PRKCQ: variants seen among roughly 807,000 people sequenced by gnomAD.
PRKCQ encodes the protein protein kinase C theta type.
A neutral mutation model predicts 91.2 loss-of-function variants in PRKCQ; 41 were observed. The ratio of observed to expected loss-of-function variants is 0.45; its 90% confidence interval spans 0.35 to 0.58. The LOEUF is 0.58. PRKCQ is among the 20% of genes least tolerant of loss of function. The probability of loss-of-function intolerance (pLI) is 0.00; values close to 1 mark genes in which losing one functional copy is unlikely to be tolerated. For synonymous variants in PRKCQ, 307 were observed against 316.9 expected, an observed-to-expected ratio of 0.97 and a Z score of 0.33; for missense variants, 673 against 896.5, an observed-to-expected ratio of 0.75 and a Z score of 3.18.
At chr10:6,517,585 CATCTTTTTTTTTT>C (rs1446436487) in intron 1 of PRKCQ, among the ~76,000 whole-genome samples, 3 of 99,262 alleles carry the variant, frequency 3.0e-5, no homozygotes, top group African/African-American at 1.2e-4. Flanking sequence ...TTTAAGATAG[CATCTTTTTTTTTT>C]TTTTTTTTTT....
chr10:6,399,298 A>C, the PRKCQ span, among the ~76,000 whole-genome samples: 1 of 152,190 alleles, frequency 6.6e-6, no homozygotes, highest in Non-Finnish European at 1.5e-5. Flanking sequence ...TAGTGGTTGG[A>C]ATATTTAAAC....
intron 15 of PRKCQ, among the ~76,000 whole-genome samples, chr10:6,452,518 A>G (rs550404188): frequency 7.9e-5 from 12 of 151,680 alleles, no homozygotes; most frequent in African/African-American, 2.9e-4. Context: ...TATAGATTCA[A>G]TGCCATCCCC....
chr10:6,507,574 G>A (rs188677243), intron 3 of PRKCQ, 78 bp from the exon 4 acceptor site: 15 of 1,203,390 alleles, frequency 1.2e-5, no homozygotes, highest in South Asian at 6.1e-5. Flanking sequence ...GGCTACTGAC[G>A]ATGGCAGGAG....
intron 12 of PRKCQ, among the ~76,000 whole-genome samples, chr10:6,475,513 C>A (rs1212564454): frequency 2.0e-5 from 3 of 152,168 alleles, no homozygotes; most frequent in African/African-American, 4.8e-5. Flanking sequence ...CAAGTGAATA[C>A]CTGTCCTCAG....
At chr10:6,470,641 C>T (rs148313035) in intron 12 of PRKCQ, among the ~76,000 whole-genome samples, 43 of 152,222 alleles carry the variant, frequency 2.8e-4, no homozygotes, top group Non-Finnish European at 4.3e-4. Flanking sequence ...TGGAGAAGAA[C>T]GATTTTGCCA....
chr10:6,497,002 C>T lies in PRKCQ; in HGVS notation c.660+33G>A, dbSNP rs116968256. The T allele has an allele frequency of 5.3e-3, 8,360 of 1,573,580 alleles. 43 individuals carry two copies. Among genetic ancestry groups the T allele is most frequent in the South Asian group, 0.013 (1,150 of 89,900 alleles). The stretch of plus-strand genomic sequence containing the variant: ...TAACATTTAACGTTCTGATAAAAAT[C>T]ACTGCACGTCAAAGAGGAGTGTAAA... On this transcript the variant is annotated intron_variant, in intron 7 of 17. Transcript: ENST00000263125. The surrounding 1 kb of genome is among the most constrained non-coding windows in gnomAD (Gnocchi z 4.5).
chr10:6,520,840 C>A (rs1838974549), intron 1 of PRKCQ, among the ~76,000 whole-genome samples: 1 of 152,102 alleles, frequency 6.6e-6, no homozygotes. Context: ...ACTTATAGAG[C>A]CCCACCAGGA....
the PRKCQ span, among the ~76,000 whole-genome samples, chr10:6,398,919 A>T: frequency 6.6e-6 from 1 of 151,932 alleles, no homozygotes; most frequent in Non-Finnish European, 1.5e-5. Context: ...ACACCCAACT[A>T]ATTAAAAAAA....
At chr10:6,546,127 G>C (rs1047686219) in intron 1 of PRKCQ, among the ~76,000 whole-genome samples, 1 of 152,232 alleles carries the variant, frequency 6.6e-6, no homozygotes, top group Non-Finnish European at 1.5e-5. Context: ...GTGGGATGGT[G>C]GGGAACTGAG....
intron 1 of PRKCQ, among the ~76,000 whole-genome samples, chr10:6,546,868 C>T (rs921757425): frequency 5.3e-5 from 8 of 152,148 alleles, no homozygotes; most frequent in African/African-American, 1.7e-4. Flanking sequence ...GGCTGTGGGT[C>T]TGTCATAGAT....
chr10:6,545,686 G>A (rs936729519), intron 1 of PRKCQ, among the ~76,000 whole-genome samples: 60 of 152,162 alleles, frequency 3.9e-4, no homozygotes, highest in African/African-American at 1.4e-3. Context: ...GCATAATACT[G>A]TGAATGTTCT....
intron 1 of PRKCQ, among the ~76,000 whole-genome samples, chr10:6,543,419 A>G (rs1311135186): frequency 6.6e-6 from 1 of 152,134 alleles, no homozygotes. Context: ...CACCATGGGG[A>G]AAGGTGGCGT....
intron 15 of PRKCQ, among the ~76,000 whole-genome samples, chr10:6,444,329 A>G (rs1834127182): frequency 6.6e-6 from 1 of 152,170 alleles, no homozygotes; most frequent in Non-Finnish European, 1.5e-5. Context: ...CTCGGCCTCC[A>G]AAGTGCTGGG....
At chr10:6,457,267 G>A (rs1421149418) in intron 14 of PRKCQ, among the ~76,000 whole-genome samples, 2 of 152,134 alleles carry the variant, frequency 1.3e-5, no homozygotes, top group Non-Finnish European at 2.9e-5. Context: ...ACGCCAGAAT[G>A]TCATGCCAAC....
chr10:6,464,667 C>T (rs1835545296), intron 12 of PRKCQ, among the ~76,000 whole-genome samples: 1 of 152,172 alleles, frequency 6.6e-6, no homozygotes, highest in African/African-American at 2.4e-5. Flanking sequence ...AGGCTGGTCT[C>T]CAACTCTTGA....
the PRKCQ span, among the ~76,000 whole-genome samples, chr10:6,416,428 A>G: frequency 0.38 from 58,143 of 151,910 alleles, 13,149 homozygotes; most frequent in East Asian, 0.77. Flanking sequence ...GCATCCTCAT[A>G]GCTTAGCTCC....
intron 15 of PRKCQ, among the ~76,000 whole-genome samples, chr10:6,453,162 G>C (rs923199312): frequency 1.3e-5 from 2 of 149,916 alleles, no homozygotes; most frequent in South Asian, 2.1e-4. Context: ...GAAAATTTTC[G>C]CAACCTACTC....
intron 8 of PRKCQ, chr10:6,489,551 G>T (rs7910501): frequency 2.1e-6 from 1 of 479,612 alleles, no homozygotes; most frequent in Non-Finnish European, 4.3e-6. Flanking sequence ...ATGAAAGGGA[G>T]GCAGAGAGGG....
the PRKCQ span, among the ~76,000 whole-genome samples, chr10:6,399,046 A>G: frequency 6.6e-6 from 1 of 152,200 alleles, no homozygotes; most frequent in Non-Finnish European, 1.5e-5. Flanking sequence ...CAGGCATATC[A>G]ATACAATGAT....
Sources: allele counts gnomAD v4.1 joint callset (sites outside exome capture counted in the v4.1 genomes callset), GRCh38; gene constraint gnomAD v4.1.1; non-coding constraint Gnocchi (gnomAD v3.1); transcripts MANE v1.5; gene names NCBI Gene and HGNC (gene_info 2026-07-23, HGNC 2026-07-21).